DNAH9: variants seen among roughly 807,000 people sequenced by gnomAD.
DNAH9 encodes the protein DNAH9 variant protein.
In DNAH9, 345 loss-of-function variants were observed where a neutral mutation model predicts 471.6. The ratio of observed to expected loss-of-function variants is 0.73; its 90% confidence interval spans 0.67 to 0.80. The LOEUF (loss-of-function observed/expected upper bound fraction) is 0.80. Among genes scored for constraint, DNAH9 ranks in the 30% least tolerant of loss-of-function variants. The pLI, the probability that DNAH9 is intolerant of heterozygous loss-of-function variation, is 0.00. For synonymous variants in DNAH9, 2,093 were observed against 2,123.6 expected, an observed-to-expected ratio of 0.99 and a Z score of 0.40; for missense variants, 5,407 against 5,609.2, an observed-to-expected ratio of 0.96 and a Z score of 1.15.
In DNAH9 at chr17:11,669,176, T is replaced by A; in HGVS notation, c.2844T>A (p.Ile948=). 1 of 1,614,006 alleles carries A rather than the reference T, an allele frequency of 6.2e-7. No individual in the cohort carries two copies. Among genetic ancestry groups the A allele is most frequent in the Non-Finnish European group, 8.5e-7 (1 of 1,179,922 alleles). ...ESGVKGGFCD[I]VEGLITSIFR... is the part of the protein sequence containing the mutation. ...GAGTGAAGGGGGGTTTCTGTGACAT[T>A]GTTGAGGGTCTCATCACCAGCATTT... Residue 948 remains isoleucine, a synonymous_variant, in exon 16 of 69, where the codon ATT becomes ATA. Coordinates refer to ENST00000262442, the MANE Select transcript of DNAH9 (RefSeq NM_001372.4).
chr17:11,601,864 T>TTG (rs1051672209), intron 1 of DNAH9, among the ~76,000 whole-genome samples: 8 of 152,100 alleles, frequency 5.3e-5, no homozygotes, highest in African/African-American at 1.7e-4. Context: ...TCTTCCTGCC[T>TTG]TGTGTGTGTG....
intron 17 of DNAH9, among the ~76,000 whole-genome samples, chr17:11,675,004 G>GA (rs146732815): frequency 6.6e-6 from 1 of 151,782 alleles, no homozygotes; most frequent in East Asian, 1.9e-4. Context: ...GTTTGTAGAA[G>GA]AAAAAAATCT....
At chr17:11,961,785 TG>T (rs1393960775) in intron 67 of DNAH9, 81 bp from the exon 68 acceptor site, 26 of 1,484,854 alleles carry the variant, frequency 1.8e-5, no homozygotes, top group Admixed American at 1.3e-4. Context: ...CTGGGTGCCA[TG>T]AGCCAGGGGT....
intron 48 of DNAH9, among the ~76,000 whole-genome samples, chr17:11,834,347 A>AAAAAAAAAAAAAG (rs1555605967): frequency 6.7e-6 from 1 of 148,920 alleles, no homozygotes; most frequent in African/African-American, 2.5e-5. Context: ...AAAAAAAAAA[A>AAAAAAAAAAAAAG]AAGAAGAAGA....
At chr17:11,821,353 A>G (rs1970303783) in intron 45 of DNAH9, among the ~76,000 whole-genome samples, 1 of 151,736 alleles carries the variant, frequency 6.6e-6, no homozygotes, top group Non-Finnish European at 1.5e-5. Context: ...TTCCTAATGC[A>G]GTACCATATA....
chr17:11,758,312 A>G lies in DNAH9; in HGVS notation c.6995+620A>G, dbSNP rs962135230. 2.6e-5 allele frequency among the ~76,000 whole-genome samples: 4 copies of G among 152,322 alleles called. No individual in the cohort carries two copies. In the East Asian group the frequency reaches 5.8e-4, roughly 22 times the overall value. On this transcript the variant is annotated intron_variant, in intron 35 of 68. Transcript: ENST00000262442. ...AGAGGATACTTACTACAGCAAGAAT[A>G]CTATCTGTGTCAGCACAGGGAGCTG... is the stretch of plus-strand genomic sequence containing the variant.
intron 66 of DNAH9, 90 bp from the exon 67 acceptor site, chr17:11,942,213 T>C (rs1974942851): frequency 1.1e-5 from 16 of 1,505,520 alleles, no homozygotes; most frequent in Non-Finnish European, 1.4e-5. Flanking sequence ...CGATGGGTGA[T>C]TGGCATCTCT....
At chr17:11,608,004 G>A in intron 1 of DNAH9, 125 bp from the exon 2 acceptor site, 3 of 641,292 alleles carry the variant, frequency 4.7e-6, no homozygotes, top group East Asian at 2.7e-5. Flanking sequence ...CCTATTATTA[G>A]GCCTTCCAGC....
chr17:11,950,648 G>A (rs1027690059), intron 67 of DNAH9, among the ~76,000 whole-genome samples: 1 of 152,136 alleles, frequency 6.6e-6, no homozygotes, highest in Non-Finnish European at 1.5e-5. Context: ...TTACAGGCAT[G>A]AGCCACTGTG....
intron 43 of DNAH9, among the ~76,000 whole-genome samples, chr17:11,804,737 G>T (rs1348923792): frequency 6.6e-6 from 1 of 152,022 alleles, no homozygotes; most frequent in South Asian, 2.1e-4. Flanking sequence ...AGCCGAGCGT[G>T]GTGGCAGGCA....
At chr17:11,931,514 G>A (rs1974507906) in intron 63 of DNAH9, among the ~76,000 whole-genome samples, 1 of 152,174 alleles carries the variant, frequency 6.6e-6, no homozygotes, top group African/African-American at 2.4e-5. Flanking sequence ...CCAACTCTGG[G>A]CGGGAAGCTT....
intron 50 of DNAH9, among the ~76,000 whole-genome samples, chr17:11,862,043 A>G (rs558553720): frequency 2.1e-3 from 307 of 147,422 alleles, no homozygotes; most frequent in Middle Eastern, 3.5e-3. Context: ...CCATTTGTCA[A>G]TTTTGGCTTT....
At chr17:11,801,372 G>C (rs552503748) in intron 43 of DNAH9, among the ~76,000 whole-genome samples, 22 of 152,300 alleles carry the variant, frequency 1.4e-4, no homozygotes, top group Admixed American at 4.6e-4. Flanking sequence ...CTAGTGCATA[G>C]TAGGGTTCAG....
At chr17:11,728,838 G>A (rs2075204793) in intron 28 of DNAH9, among the ~76,000 whole-genome samples, 1 of 152,154 alleles carries the variant, frequency 6.6e-6, no homozygotes, top group African/African-American at 2.4e-5. Flanking sequence ...TCCCCATTAT[G>A]TATGTGGAAA....
At chr17:11,798,457 A>AAAAG (rs1555597619) in intron 43 of DNAH9, among the ~76,000 whole-genome samples, 4 of 130,038 alleles carry the variant, frequency 3.1e-5, no homozygotes, top group African/African-American at 9.0e-5. Context: ...AAAAAAAAAA[A>AAAAG]AGAGAGAGAG....
intron 27 of DNAH9, among the ~76,000 whole-genome samples, chr17:11,726,507 T>A (rs2150812204): frequency 6.6e-6 from 1 of 152,362 alleles, no homozygotes; most frequent in Middle Eastern, 3.4e-3. Context: ...GAATAAACTT[T>A]GTGAAGTACT....
chr17:11,757,534 T>G lies in DNAH9; in HGVS notation c.6848-11T>G, dbSNP rs1328089316. 6.2e-7 allele frequency: 1 copy of G among 1,609,502 alleles called. No individual in the cohort carries two copies. The highest frequency in any genetic ancestry group is 8.5e-7 in the Non-Finnish European group (1 of 1,176,294). On this transcript the variant is annotated splice_polypyrimidine_tract_variant and intron_variant, in intron 34 of 68. Coordinates refer to ENST00000262442, the MANE Select transcript of DNAH9 (RefSeq NM_001372.4). ...GGAATATTCACTAAACTGTATTCTCTGTGCTCACAGGGATCTTGTACATCA... is the reference window on the plus strand; with the variant it reads ...GGAATATTCACTAAACTGTATTCTCGGTGCTCACAGGGATCTTGTACATCA...
chr17:11,757,493 A>T, intron 34 of DNAH9, 52 bp from the exon 35 acceptor site: 1 of 1,494,918 alleles, frequency 6.7e-7, no homozygotes, highest in Non-Finnish European at 9.2e-7. Flanking sequence ...GGGGTGAAAA[A>T]TATAATGATG....
chr17:11,924,929 A>G (rs1182355427), intron 62 of DNAH9, among the ~76,000 whole-genome samples: 5 of 152,070 alleles, frequency 3.3e-5, no homozygotes, highest in South Asian at 2.1e-4. Context: ...CAGCCTAACT[A>G]CTACTAACTC....
Sources: allele counts gnomAD v4.1 joint callset (sites outside exome capture counted in the v4.1 genomes callset), GRCh38; gene constraint gnomAD v4.1.1; transcripts MANE v1.5; gene names NCBI Gene and HGNC (gene_info 2026-07-23, HGNC 2026-07-21).